Variants in GPATCH2 observed in about 807,000 individuals in gnomAD.
GPATCH2 encodes the protein G patch domain-containing protein 2.
In GPATCH2, 51 loss-of-function variants were observed where a neutral mutation model predicts 58.0. That is an observed-to-expected ratio of 0.88 (90% CI 0.70 to 1.11). The LOEUF (loss-of-function observed/expected upper bound fraction) is 1.11. GPATCH2 is among the 50% of genes most tolerant of loss of function. The pLI is 0.00. For synonymous variants in GPATCH2, 222 were observed against 218.5 expected, an observed-to-expected ratio of 1.02 and a Z score of -0.14; for missense variants, 625 against 652.2, an observed-to-expected ratio of 0.96 and a Z score of 0.45.
chr1:217,505,523 A>G lies in GPATCH2; in HGVS notation c.1167-7128T>C, dbSNP rs534820605. Among the ~76,000 whole-genome samples, 3 of 152,168 alleles carry G rather than the reference A, an allele frequency of 2.0e-5. No homozygotes were observed. The East Asian group carries it at 5.8e-4, about 29-fold the overall frequency. Reference sequence around the variant, plus strand: ...CAGTGTTGAACTACAGGTAGCAGAAATGTATAGGATTTCATGGGAAGTCAA... The same window carrying G: ...CAGTGTTGAACTACAGGTAGCAGAAGTGTATAGGATTTCATGGGAAGTCAA... On this transcript the variant is annotated intron_variant, in intron 6 of 9. Transcript: ENST00000366935.
intron 5 of GPATCH2, among the ~76,000 whole-genome samples, chr1:217,558,223 T>C (rs1416605331): frequency 6.6e-6 from 1 of 152,212 alleles, no homozygotes; most frequent in African/African-American, 2.4e-5. Context: ...ACCTCATCTG[T>C]ACAGTGTTGA....
chr1:217,431,410 G>A (rs755403015), intron 9 of GPATCH2, 45 bp from the exon 10 acceptor site: 1 of 1,064,726 alleles, frequency 9.4e-7, no homozygotes, highest in Non-Finnish European at 1.5e-6. Flanking sequence ...TATGAACACA[G>A]GTGAAGATAT....
intron 5 of GPATCH2, among the ~76,000 whole-genome samples, chr1:217,558,238 C>T (rs564849747): frequency 6.6e-6 from 1 of 152,264 alleles, no homozygotes; most frequent in African/African-American, 2.4e-5. Context: ...TGTTGATAAC[C>T]ACTGTCCTGA....
chr1:217,441,252 G>T (rs894153562), intron 9 of GPATCH2, among the ~76,000 whole-genome samples: 2 of 152,144 alleles, frequency 1.3e-5, no homozygotes, highest in Non-Finnish European at 2.9e-5. Context: ...ACAAGCAATG[G>T]GGAAAGGATT....
At chr1:217,559,437 C>G (rs373786759) in intron 5 of GPATCH2, among the ~76,000 whole-genome samples, 7 of 152,280 alleles carry the variant, frequency 4.6e-5, no homozygotes, top group African/African-American at 1.7e-4. Context: ...AAATCAAACT[C>G]CTTTTTCTAC....
chr1:217,500,168 TG>T (rs1227976861), intron 6 of GPATCH2, among the ~76,000 whole-genome samples: 1 of 152,172 alleles, frequency 6.6e-6, no homozygotes, highest in East Asian at 1.9e-4. Flanking sequence ...TCTATGTACC[TG>T]CCAGCCTTCT....
At chr1:217,525,874 T>G (rs1048114901) in intron 5 of GPATCH2, among the ~76,000 whole-genome samples, 4 of 152,142 alleles carry the variant, frequency 2.6e-5, no homozygotes, top group African/African-American at 9.6e-5. Context: ...ATAAGCAGAC[T>G]AGGAAAACTT....
chr1:217,587,606 T>C (rs1281109411), intron 5 of GPATCH2, among the ~76,000 whole-genome samples: 2 of 152,144 alleles, frequency 1.3e-5, no homozygotes, highest in African/African-American at 2.4e-5. Flanking sequence ...TGAACAGTAG[T>C]GTGAAATTGT....
chr1:217,431,447 A>C (rs1323505543), intron 9 of GPATCH2, 82 bp from the exon 10 acceptor site: 5 of 852,322 alleles, frequency 5.9e-6, no homozygotes, highest in Non-Finnish European at 1.0e-5. Context: ...TGTTCTCCTA[A>C]GTTTTGTTTT....
chr1:217,545,466 T>C (rs971415768), intron 5 of GPATCH2, among the ~76,000 whole-genome samples: 3 of 152,206 alleles, frequency 2.0e-5, no homozygotes, highest in Non-Finnish European at 4.4e-5. Flanking sequence ...AGGTGCATAC[T>C]TATTACTTTT....
At chr1:217,584,344 A>AAAAAAAAATATATATATATAT (rs1463910405) in intron 5 of GPATCH2, among the ~76,000 whole-genome samples, 4 of 101,852 alleles carry the variant, frequency 3.9e-5, no homozygotes, top group Non-Finnish European at 5.9e-5. Context: ...AAAAAAAAAA[A>AAAAAAAAATATATATATATAT]ATATATATAT....
intron 9 of GPATCH2, among the ~76,000 whole-genome samples, chr1:217,435,830 A>G (rs529709238): frequency 2.0e-5 from 3 of 152,260 alleles, no homozygotes; most frequent in East Asian, 3.9e-4. Flanking sequence ...AGGTGTTACT[A>G]TTCTTCGTCT....
chr1:217,578,193 T>C (rs1025903257), intron 5 of GPATCH2, among the ~76,000 whole-genome samples: 6 of 150,400 alleles, frequency 4.0e-5, no homozygotes, highest in Non-Finnish European at 8.9e-5. Flanking sequence ...AAAAAGGTAG[T>C]TTTGTTTTGT....
At chr1:217,525,478 C>A (rs1213997707) in intron 5 of GPATCH2, among the ~76,000 whole-genome samples, 1 of 152,096 alleles carries the variant, frequency 6.6e-6, no homozygotes, top group Non-Finnish European at 1.5e-5. Flanking sequence ...AATAAACATT[C>A]TATTTTATGT....
Position 217,470,789 on chromosome 1 carries a change from CTATACTT to C in GPATCH2, c.1277+20884_1277+20890del, listed in dbSNP as rs563562595. The stretch of plus-strand genomic sequence containing the variant: ...TCCAATTATTCTACTCTAAGGATCT[CTATACTT>C]AGACGCCATTTGAGCTTTCTTTTTA... On this transcript the variant is annotated intron_variant, in intron 8 of 9. Coordinates refer to ENST00000366935, the MANE Select transcript of GPATCH2 (RefSeq NM_018040.5). Among the ~76,000 whole-genome samples, 15 of 152,098 alleles carry C rather than the reference CTATACTT, an allele frequency of 9.9e-5. No individual in the cohort carries two copies. In the East Asian group the frequency reaches 2.5e-3, roughly 25 times the overall value.
At chr1:217,443,420 C>A (rs1019754675) in intron 9 of GPATCH2, among the ~76,000 whole-genome samples, 1 of 152,070 alleles carries the variant, frequency 6.6e-6, no homozygotes, top group African/African-American at 2.4e-5. Context: ...TTCATTCTTA[C>A]GTAGGTTATA....
chr1:217,451,199 T>C (rs1178673659), intron 8 of GPATCH2, among the ~76,000 whole-genome samples: 1 of 152,222 alleles, frequency 6.6e-6, no homozygotes, highest in East Asian at 1.9e-4. Flanking sequence ...ATCCTAAATA[T>C]GCTGCATCAA....
At chr1:217,439,194 G>C (rs1659006137) in intron 9 of GPATCH2, among the ~76,000 whole-genome samples, 1 of 152,182 alleles carries the variant, frequency 6.6e-6, no homozygotes, top group Admixed American at 6.5e-5. Flanking sequence ...AATCAGACTA[G>C]AACTCAGGAT....
At chr1:217,523,853 T>C (rs539957944) in intron 5 of GPATCH2, among the ~76,000 whole-genome samples, 2 of 144,608 alleles carry the variant, frequency 1.4e-5, no homozygotes. Context: ...GGCGGGGGGC[T>C]GACCCCCACA....
Sources: allele counts gnomAD v4.1 joint callset (sites outside exome capture counted in the v4.1 genomes callset), GRCh38; gene constraint gnomAD v4.1.1; transcripts MANE v1.5; gene names NCBI Gene and HGNC (gene_info 2026-07-23, HGNC 2026-07-21).